Variants in CAST observed in about 807,000 individuals in gnomAD.
CAST encodes the protein MIR583 host.
Under a neutral mutation model 119.6 loss-of-function variants are expected in CAST, and 76 were observed. The observed-to-expected ratio is 0.64, with a 90% CI of 0.53 to 0.77. CAST has a LOEUF of 0.77. CAST is among the 30% of genes least tolerant of loss of function. The pLI is 0.00. For synonymous variants in CAST, 319 were observed against 331.6 expected (o/e 0.96, Z 0.41); for missense variants, 953 against 946.5 (o/e 1.01, Z -0.09).
intron 1 of CAST, among the ~76,000 whole-genome samples, chr5:96,557,771 C>T (rs1746273600): frequency 6.6e-6 from 1 of 152,150 alleles, no homozygotes; most frequent in Admixed American, 6.5e-5. Flanking sequence ...CTTTAGCACA[C>T]CACTGTCAAC....
the CAST span, among the ~76,000 whole-genome samples, chr5:96,173,750 C>CTT: frequency 8.2e-5 from 12 of 146,900 alleles, no homozygotes; most frequent in African/African-American, 2.8e-4. Context: ...TTTTTTTTTT[C>CTT]TTTTTTTTTT....
At chr5:96,302,016 C>T in the CAST span, among the ~76,000 whole-genome samples, 1 of 152,204 alleles carries the variant, frequency 6.6e-6, no homozygotes. Flanking sequence ...AGGACACTAC[C>T]CCTGCAGCAG....
At chr5:96,051,817 A>G in the CAST span, among the ~76,000 whole-genome samples, 1 of 152,238 alleles carries the variant, frequency 6.6e-6, no homozygotes, top group African/African-American at 2.4e-5. Flanking sequence ...ATGGTTAAAT[A>G]TATTATAGTT....
the CAST span, among the ~76,000 whole-genome samples, chr5:96,054,380 T>C: frequency 7.2e-5 from 11 of 152,224 alleles, no homozygotes; most frequent in South Asian, 2.3e-3. Context: ...AGCCTCAGCT[T>C]GTAGTTGGGA....
At chr5:96,136,893 C>T in the CAST span, among the ~76,000 whole-genome samples, 1 of 152,164 alleles carries the variant, frequency 6.6e-6, no homozygotes, top group African/African-American at 2.4e-5. Flanking sequence ...AGTTTTTTTG[C>T]CTTTAGTCTT....
chr5:96,663,301 C>G (rs2150216572), intron 1 of CAST: 1 of 688,654 alleles, frequency 1.5e-6, no homozygotes, highest in South Asian at 1.5e-5. Context: ...GGACCGGGTG[C>G]GACCTCCTCG....
the CAST span, among the ~76,000 whole-genome samples, chr5:96,477,915 G>GGTGATAACT: frequency 2.0e-5 from 3 of 152,170 alleles, no homozygotes; most frequent in Admixed American, 1.3e-4. Flanking sequence ...GTGATAACTA[G>GGTGATAACT]GCCAGAGGCA....
At chr5:96,198,490 A>G in the CAST span, among the ~76,000 whole-genome samples, 1 of 152,074 alleles carries the variant, frequency 6.6e-6, no homozygotes, top group Admixed American at 6.6e-5. Flanking sequence ...CTGTGGGGAC[A>G]CAAGGCTTTC....
chr5:96,746,362 A>T lies in CAST; in HGVS notation c.1221A>T (p.Lys407Asn). The T allele has an allele frequency of 6.2e-7, 1 of 1,611,082 alleles. No individual in the cohort carries two copies. Among genetic ancestry groups the T allele is most frequent in the Non-Finnish European group, 8.5e-7 (1 of 1,177,150 alleles). ...ATCAGGCAAAAGCTAAAGAAGAAAA[A>T]CTAGAGAAGTGTGGTGAGGATGATG... ...EVDEAKAKEE[K>N]LEKCGEDDET... is the part of the protein sequence containing the mutation. The change falls in exon 17 of 32, where the codon AAA (lysine) becomes AAT (asparagine). Residue 407 changes from lysine to asparagine, a missense_variant. Coordinates refer to ENST00000675179, the MANE Select transcript of CAST (RefSeq NM_001750.7).
intron 1 of CAST, among the ~76,000 whole-genome samples, chr5:96,590,876 T>C (rs1165102222): frequency 6.6e-6 from 1 of 152,176 alleles, no homozygotes; most frequent in Non-Finnish European, 1.5e-5. Context: ...TATTAACTAG[T>C]TAATTAATTA....
the CAST span, among the ~76,000 whole-genome samples, chr5:96,368,329 G>A: frequency 2.8e-4 from 42 of 151,662 alleles, no homozygotes; most frequent in East Asian, 1.2e-3. Context: ...GTGAAACCCC[G>A]TCTCTACTAA....
chr5:96,610,490 A>C (rs924842260), intron 1 of CAST, among the ~76,000 whole-genome samples: 1 of 152,216 alleles, frequency 6.6e-6, no homozygotes, highest in African/African-American at 2.4e-5. Flanking sequence ...AAAAATCCTC[A>C]AGAAAGTAGG....
intron 1 of CAST, among the ~76,000 whole-genome samples, chr5:96,626,935 T>C (rs1747735238): frequency 6.6e-6 from 1 of 152,214 alleles, no homozygotes; most frequent in Non-Finnish European, 1.5e-5. Context: ...CTACACAATT[T>C]TCAGTAAATT....
At chr5:96,082,236 T>C in the CAST span, among the ~76,000 whole-genome samples, 3 of 152,194 alleles carry the variant, frequency 2.0e-5, no homozygotes, top group Admixed American at 6.5e-5. Context: ...TATTTGTTCC[T>C]TTACCTTGCA....
intron 2 of CAST, among the ~76,000 whole-genome samples, chr5:96,690,252 G>T (rs1302842355): frequency 1.3e-5 from 2 of 151,622 alleles, no homozygotes; most frequent in Non-Finnish European, 2.9e-5. Flanking sequence ...TTTTTTTTGA[G>T]ATGGGGTCTT....
chr5:96,041,301 A>T, the CAST span, among the ~76,000 whole-genome samples: 1 of 152,052 alleles, frequency 6.6e-6, no homozygotes, highest in African/African-American at 2.4e-5. Context: ...CCTCCCCAAA[A>T]CTCATAACCC....
the CAST span, among the ~76,000 whole-genome samples, chr5:96,195,175 A>G: frequency 1.3e-5 from 2 of 152,260 alleles, no homozygotes; most frequent in African/African-American, 2.4e-5. Context: ...GACTTTTCCA[A>G]TAAAGGTTAA....
At chr5:96,141,936 TG>T in the CAST span, among the ~76,000 whole-genome samples, 1 of 152,232 alleles carries the variant, frequency 6.6e-6, no homozygotes, top group African/African-American at 2.4e-5. Flanking sequence ...TCTTTTTGAG[TG>T]TACACATAAA....
the CAST span, among the ~76,000 whole-genome samples, chr5:96,107,436 C>T: frequency 2.6e-5 from 4 of 151,960 alleles, no homozygotes; most frequent in Non-Finnish European, 5.9e-5. Context: ...CAAAATCTCT[C>T]AGCATTTGCT....
Sources: gnomAD v4.1 joint callset for allele counts (sites outside exome capture counted in the v4.1 genomes callset) on GRCh38, gnomAD v4.1.1 for gene constraint, MANE v1.5 for transcripts, NCBI Gene and HGNC (gene_info 2026-07-23, HGNC 2026-07-21) for gene names.